PLEKHA5: variants seen among roughly 807,000 people sequenced by gnomAD.
PLEKHA5 encodes pleckstrin homology domain-containing family A member 5.
Under a neutral mutation model 181.9 loss-of-function variants are expected in PLEKHA5, and 55 were observed. That is an observed-to-expected ratio of 0.30 (90% CI 0.24 to 0.38). The LOEUF is 0.38. Ranked by LOEUF, PLEKHA5 falls within the 10% of genes least tolerant of loss-of-function variation. PLEKHA5 has a pLI of 1.00. For missense variants in PLEKHA5, 1,432 were observed against 1,549.5 expected (o/e 0.92, Z 1.27); for synonymous variants, 535 against 529.4 (o/e 1.01, Z -0.15).
Position 19,259,975 on chromosome 12 carries a change from C to CT in PLEKHA5, c.538-965dup, listed in dbSNP as rs578192519. Among the ~76,000 whole-genome samples the CT allele has an allele frequency of 5.3e-3, 799 of 149,552 alleles. 3 individuals carry two copies. Among genetic ancestry groups the CT allele is most frequent in the Middle Eastern group, 6.9e-3 (2 of 288 alleles). On this transcript the variant is annotated intron_variant, in intron 6 of 31. Transcript: ENST00000429027. ...TCTCGTTTTTTCTTTTTTCTTTTTT[C>CT]TTTTTTTTTGGTATCTGTTTAATTC...
chr12:19,333,482 G>A (rs117704313), intron 20 of PLEKHA5, among the ~76,000 whole-genome samples: 3,264 of 151,818 alleles, frequency 0.021, 54 homozygotes, highest in Middle Eastern at 0.082. Flanking sequence ...CCAGCTACTC[G>A]GGAGGTCGAT....
intron 15 of PLEKHA5, among the ~76,000 whole-genome samples, chr12:19,300,018 G>A (rs1446955450): frequency 1.3e-5 from 2 of 152,174 alleles, no homozygotes; most frequent in Admixed American, 6.5e-5. Flanking sequence ...TCTGCATGGT[G>A]TACCTGTGTA....
intron 29 of PLEKHA5, among the ~76,000 whole-genome samples, chr12:19,365,138 G>A (rs1200495822): frequency 6.6e-6 from 1 of 152,026 alleles, no homozygotes; most frequent in African/African-American, 2.4e-5. Flanking sequence ...TTGGGAGGCT[G>A]AGGTGGGCAG....
At chr12:19,315,441 C>T (rs1240295184) in intron 16 of PLEKHA5, among the ~76,000 whole-genome samples, 1 of 152,090 alleles carries the variant, frequency 6.6e-6, no homozygotes, top group African/African-American at 2.4e-5. Flanking sequence ...CATTCTCAAG[C>T]AGTCGTCAAG....
At chr12:19,333,114 G>A (rs543889009) in intron 20 of PLEKHA5, among the ~76,000 whole-genome samples, 47 of 152,138 alleles carry the variant, frequency 3.1e-4, no homozygotes, top group African/African-American at 1.1e-3. Context: ...GAGAAACCCC[G>A]TCTCTACTAA....
In PLEKHA5 at chr12:19,130,031, C is replaced by T; in HGVS notation, c.90-20C>T. 1.3e-6 allele frequency: 2 copies of T among 1,565,580 alleles called. No homozygotes were observed. The highest frequency in any genetic ancestry group is 1.2e-5 in the South Asian group (1 of 85,802). ...GTCCCCTCTCACGCTCCGTGTCTGC[C>T]CCTTCTCTCACCCCTGCAGCGAGGA... On this transcript the variant is annotated intron_variant, in intron 1 of 31. Coordinates refer to ENST00000429027, the MANE Select transcript of PLEKHA5 (RefSeq NM_001256470.2). The surrounding 1 kb of genome is among the most constrained non-coding windows in gnomAD (Gnocchi z 4.5).
intron 15 of PLEKHA5, among the ~76,000 whole-genome samples, chr12:19,302,788 T>G (rs959777567): frequency 6.6e-6 from 1 of 151,690 alleles, no homozygotes; most frequent in African/African-American, 2.4e-5. Flanking sequence ...TATATATAAG[T>G]AAAAACATGT....
At chr12:19,344,153 T>C (rs1182940667) in intron 22 of PLEKHA5, among the ~76,000 whole-genome samples, 1 of 152,214 alleles carries the variant, frequency 6.6e-6, no homozygotes, top group East Asian at 1.9e-4. Context: ...GGCACATGAC[T>C]GAATGTCTAA....
intron 3 of PLEKHA5, among the ~76,000 whole-genome samples, chr12:19,163,470 C>T (rs982012959): frequency 4.6e-5 from 7 of 152,100 alleles, no homozygotes; most frequent in Admixed American, 2.0e-4. Context: ...TCACACCCAC[C>T]GCGCCCAGCC....
At chr12:19,194,081 G>C (rs1311229125) in intron 3 of PLEKHA5, among the ~76,000 whole-genome samples, 1 of 152,190 alleles carries the variant, frequency 6.6e-6, no homozygotes, top group Non-Finnish European at 1.5e-5. Context: ...ATTTCAGCAT[G>C]AGACTGGGGC....
chr12:19,252,851 G>T (rs2065713231), intron 3 of PLEKHA5, among the ~76,000 whole-genome samples: 1 of 151,414 alleles, frequency 6.6e-6, no homozygotes, highest in Admixed American at 6.6e-5. Flanking sequence ...TTTTTTTAAG[G>T]TACTGGTGCC....
In PLEKHA5 at chr12:19,295,898, C is replaced by CA. The variant is rs577036899; in HGVS notation, c.2037+4202dup. 1.1e-4 allele frequency among the ~76,000 whole-genome samples: 16 copies of CA among 152,320 alleles called. No homozygotes were observed. In the East Asian group the frequency reaches 3.1e-3, roughly 29 times the overall value. On this transcript the variant is annotated intron_variant, in intron 15 of 31. Transcript: ENST00000429027. Reference sequence around the variant, plus strand: ...TATCTGAAGACCAGACTAACAGTATCACACACCCTAACCACACTGAAGAAA... The same window carrying CA: ...TATCTGAAGACCAGACTAACAGTATCAACACACCCTAACCACACTGAAGAAA...
chr12:19,334,765 TGAGACCAGCAGTTA>T (rs1309581943), intron 20 of PLEKHA5, among the ~76,000 whole-genome samples: 2 of 137,272 alleles, frequency 1.5e-5, no homozygotes, highest in South Asian at 4.7e-4. Flanking sequence ...TGGAATCACT[TGAGACCAGCAGTTA>T]GAGAGCAACC....
At position 19,347,008 on chromosome 12, in the gene PLEKHA5, C is replaced by G; in HGVS notation, c.2724C>G (p.Val908=). 6.5e-7 allele frequency: 1 copy of G among 1,548,116 alleles called. No individual in the cohort carries two copies. The highest frequency in any genetic ancestry group is 1.2e-5 in the South Asian group (1 of 83,448). The change falls in exon 24 of 32, where the codon GTC becomes GTG. Residue 908 remains valine (V), a synonymous_variant. Coordinates refer to ENST00000429027, the MANE Select transcript of PLEKHA5 (RefSeq NM_001256470.2). ...ACAATCTTTAGGAAGAGGAAGTAGTCCCACCTCGTCCTCCACTTCCTCGGT... is the reference window on the plus strand; with the variant it reads ...ACAATCTTTAGGAAGAGGAAGTAGTGCCACCTCGTCCTCCACTTCCTCGGT... ...VKYKNEEEEV[V]PPRPPLPRSY...
In PLEKHA5 at chr12:19,347,091, C is replaced by T. The variant is rs770946410; in HGVS notation, c.2807C>T (p.Ser936Phe). Residue 936 changes from serine (S) to phenylalanine (F), a missense_variant, in exon 24 of 32, where the codon TCC becomes TTC. By Grantham distance (155) the Ser-to-Phe change is radical. Coordinates refer to ENST00000429027, the MANE Select transcript of PLEKHA5 (RefSeq NM_001256470.2). ...CCCCCTCTGCCCAGTGATAGCAGCT[C>T]CTTGCTCTGTTATAGCAGGGGCCCA... ...IIPPLPSDSS[S>F]LLCYSRGPVH... is the part of the protein sequence containing the mutation. The T allele has an allele frequency of 6.4e-7, 1 of 1,551,012 alleles. No individual in the cohort carries two copies.
intron 3 of PLEKHA5, among the ~76,000 whole-genome samples, chr12:19,237,475 TGGAG>T (rs2061585257): frequency 6.7e-6 from 1 of 148,532 alleles, no homozygotes; most frequent in East Asian, 2.0e-4. Flanking sequence ...GATGTTCCTG[TGGAG>T]GTACTAACAG....
At chr12:19,307,972 G>A (rs1407618396) in intron 15 of PLEKHA5, among the ~76,000 whole-genome samples, 1 of 151,582 alleles carries the variant, frequency 6.6e-6, no homozygotes, top group Non-Finnish European at 1.5e-5. Flanking sequence ...GAAAGAGAAC[G>A]ATCAACAAGC....
intron 3 of PLEKHA5, among the ~76,000 whole-genome samples, chr12:19,194,823 A>G (rs2052239727): frequency 6.6e-6 from 1 of 152,218 alleles, no homozygotes; most frequent in Non-Finnish European, 1.5e-5. Context: ...TAGTACCACC[A>G]GCATATATTC....
intron 18 of PLEKHA5, among the ~76,000 whole-genome samples, chr12:19,321,112 G>A (rs1592480429): frequency 6.6e-6 from 1 of 151,404 alleles, no homozygotes; most frequent in Middle Eastern, 3.4e-3. Flanking sequence ...GGTGCAGTGA[G>A]CCAAGATCAT....
Sources: allele counts gnomAD v4.1 joint callset (sites outside exome capture counted in the v4.1 genomes callset), GRCh38; gene constraint gnomAD v4.1.1; non-coding constraint Gnocchi (gnomAD v3.1); transcripts MANE v1.5; gene names NCBI Gene and HGNC (gene_info 2026-07-23, HGNC 2026-07-21).